DOCK3: variants seen among roughly 807,000 people sequenced by gnomAD.
The protein encoded by DOCK3 is dedicator of cytokinesis 3.
DOCK3 carries 60 observed loss-of-function variants against 265.6 expected under a neutral mutation model. The observed-to-expected ratio is 0.23, with a 90% CI of 0.18 to 0.28. DOCK3 has a LOEUF of 0.28. Among genes scored for constraint, DOCK3 ranks in the 10% least tolerant of loss-of-function variants. The pLI is 1.00. For synonymous variants in DOCK3, 881 were observed against 938.0 expected, an observed-to-expected ratio of 0.94 and a Z score of 1.11; for missense variants, 1,981 against 2,594.3, an observed-to-expected ratio of 0.76 and a Z score of 5.14.
At chr3:51,249,213 C>T (rs2079029751) in intron 22 of DOCK3, among the ~76,000 whole-genome samples, 1 of 138,654 alleles carries the variant, frequency 7.2e-6, no homozygotes, top group African/African-American at 2.7e-5. Flanking sequence ...GGGGTCAGCC[C>T]CCCGCCCGGC....
chr3:50,872,284 C>T (rs1463323730), intron 3 of DOCK3, among the ~76,000 whole-genome samples: 2 of 152,218 alleles, frequency 1.3e-5, no homozygotes, highest in Non-Finnish European at 2.9e-5. Flanking sequence ...GTGGTTTTTT[C>T]AGACTTGTAG....
chr3:50,747,337 CTA>C (rs2039511540), intron 1 of DOCK3, among the ~76,000 whole-genome samples: 1 of 152,056 alleles, frequency 6.6e-6, no homozygotes, highest in Non-Finnish European at 1.5e-5. Context: ...ATCAATTTGT[CTA>C]TTTCTATAAT....
chr3:51,037,425 T>C (rs1328970830), intron 5 of DOCK3, among the ~76,000 whole-genome samples: 1 of 152,226 alleles, frequency 6.6e-6, no homozygotes, highest in Non-Finnish European at 1.5e-5. Flanking sequence ...TTTTTCTCTA[T>C]AGTTTTCTTC....
rs1467575133 is a variant in DOCK3 at position 51,338,935 on chromosome 3, A to C, written c.3673A>C (p.Asn1225His). Residue 1225 changes from asparagine to histidine, a missense_variant and splice_region_variant, in exon 37 of 53, where the codon AAT becomes CAT. By Grantham distance (68) the Asn-to-His change is moderately conservative (BLOSUM62 1). Around this residue, in one of 4 missense-constraint regions of DOCK3, gnomAD observed 1,357 missense variants for 1,866.8 expected, o/e 0.73. Coordinates refer to ENST00000266037, the MANE Select transcript of DOCK3 (RefSeq NM_004947.5). Reference protein sequence around the residue: ...KKIGCTVNLMNFYKSEINKEE... With the variant: ...KKIGCTVNLMHFYKSEINKEE... The stretch of plus-strand genomic sequence containing the variant: ...AGGTGTTTCCTTCTCTTTATTGTAG[A>C]ATTTTTACAAATCTGAGATTAACAA... 1 of 1,601,450 alleles carries C rather than the reference A, an allele frequency of 6.2e-7. No homozygotes were observed. Among genetic ancestry groups the C allele is most frequent in the Non-Finnish European group, 8.5e-7 (1 of 1,173,522 alleles).
At chr3:50,844,943 C>T (rs960197821) in intron 3 of DOCK3, among the ~76,000 whole-genome samples, 7 of 152,134 alleles carry the variant, frequency 4.6e-5, no homozygotes, top group African/African-American at 1.7e-4. Flanking sequence ...AACTTTCTGG[C>T]CAGGCACGGT....
rs749789694 is a variant in DOCK3, at chr3:51,258,212, C to CA, written c.2185-1937dup. Reference sequence around the variant, plus strand: ...AACTGTTTCAAACTTAAAAACCAAACAAAAAAACTTTTTAAAATTAGAGGA... The same window carrying CA: ...AACTGTTTCAAACTTAAAAACCAAACAAAAAAAACTTTTTAAAATTAGAGGA... On this transcript the variant is annotated intron_variant, in intron 22 of 52. Transcript: ENST00000266037. Among the ~76,000 whole-genome samples the CA allele has an allele frequency of 6.6e-5, 10 of 152,216 alleles. No homozygotes were observed. The East Asian group carries it at 1.2e-3, about 18-fold the overall frequency.
intron 1 of DOCK3, among the ~76,000 whole-genome samples, chr3:50,770,850 A>G (rs2041232621): frequency 6.6e-6 from 1 of 152,236 alleles, no homozygotes; most frequent in Admixed American, 6.5e-5. Context: ...ATGCCAAGAA[A>G]TACACTATGG....
intron 3 of DOCK3, among the ~76,000 whole-genome samples, chr3:50,883,646 A>T (rs547684740): frequency 6.6e-6 from 1 of 152,112 alleles, no homozygotes; most frequent in African/African-American, 2.4e-5. Flanking sequence ...CTTTTCTTTC[A>T]GCATTTGACA....
At position 51,326,308 on chromosome 3, in the gene DOCK3, T is replaced by C. The variant is rs9851972; in HGVS notation, c.3403-3830T>C. Among the ~76,000 whole-genome samples, 440 of 151,788 alleles carry C rather than the reference T, an allele frequency of 2.9e-3. 1 individual carries two copies. The highest frequency in any genetic ancestry group is 0.01 in the African/African-American group (419 of 41,352). On this transcript the variant is annotated intron_variant, in intron 32 of 52. Transcript: ENST00000266037. ...CGGAGTCTCGCTCTGTCACCCAGGC[T>C]GGAGTGCAGCAGCATGATCTCGGCT...
chr3:51,197,085 G>A (rs751532576), intron 12 of DOCK3, among the ~76,000 whole-genome samples: 2 of 152,206 alleles, frequency 1.3e-5, no homozygotes, highest in Admixed American at 6.5e-5. Context: ...TGACTCTGGT[G>A]TGTGCAGTAG....
At chr3:50,809,676 T>C (rs2043627131) in intron 2 of DOCK3, among the ~76,000 whole-genome samples, 1 of 152,232 alleles carries the variant, frequency 6.6e-6, no homozygotes, top group Non-Finnish European at 1.5e-5. Context: ...TGGGCAAATA[T>C]GTGGTATATT....
chr3:51,239,628 C>A (rs761535411), intron 21 of DOCK3, among the ~76,000 whole-genome samples: 1 of 129,836 alleles, frequency 7.7e-6, no homozygotes, highest in Non-Finnish European at 1.6e-5. Flanking sequence ...GACTCAAGTT[C>A]ACAGTTTATT....
chr3:50,933,727 G>A (rs1383181798), intron 4 of DOCK3, among the ~76,000 whole-genome samples: 1 of 152,086 alleles, frequency 6.6e-6, no homozygotes. Flanking sequence ...TCTTTAAAAA[G>A]TGTGTTTTAA....
intron 9 of DOCK3, among the ~76,000 whole-genome samples, chr3:51,121,174 G>A (rs535002261): frequency 1.3e-5 from 2 of 152,254 alleles, no homozygotes; most frequent in South Asian, 4.1e-4. Context: ...CATAGGAAAA[G>A]CATGGTATCT....
intron 50 of DOCK3, 30 bp from the exon 51 acceptor site, chr3:51,375,718 C>G (rs778797557): frequency 6.2e-7 from 1 of 1,613,454 alleles, no homozygotes; most frequent in Non-Finnish European, 8.5e-7. Context: ...GTTGTTTTCA[C>G]TCTCTGTAAT....
chr3:51,185,865 T>C (rs1183767239), intron 12 of DOCK3, among the ~76,000 whole-genome samples: 1 of 152,174 alleles, frequency 6.6e-6, no homozygotes, highest in Admixed American at 6.5e-5. Flanking sequence ...CCTTCCACCA[T>C]GATTGTGAGG....
chr3:50,901,282 A>C (rs1331253101), intron 4 of DOCK3, among the ~76,000 whole-genome samples: 1 of 152,088 alleles, frequency 6.6e-6, no homozygotes, highest in East Asian at 1.9e-4. Context: ...GTGAGGGGAA[A>C]ACTGCCTACT....
intron 3 of DOCK3, among the ~76,000 whole-genome samples, chr3:50,885,687 C>T (rs1400845284): frequency 1.3e-5 from 2 of 152,104 alleles, no homozygotes; most frequent in Non-Finnish European, 2.9e-5. Context: ...TCCAGGCAAT[C>T]TCCACTGCCA....
intron 9 of DOCK3, among the ~76,000 whole-genome samples, chr3:51,136,152 T>C (rs2084783728): frequency 6.6e-6 from 1 of 152,138 alleles, no homozygotes; most frequent in Non-Finnish European, 1.5e-5. Context: ...GCAAAAGCCT[T>C]GCAGTCTTTC....
Sources: gnomAD v4.1 joint callset for allele counts (sites outside exome capture counted in the v4.1 genomes callset) on GRCh38, gnomAD v4.1.1 for gene constraint, gnomAD v4.1.1 regional missense constraint, MANE v1.5 for transcripts, NCBI Gene and HGNC (gene_info 2026-07-23, HGNC 2026-07-21) for gene names.